Variants in AGBL1 observed in about 807,000 individuals in gnomAD.
AGBL1 encodes the protein cytosolic carboxypeptidase 4.
A neutral mutation model predicts 118.9 loss-of-function variants in AGBL1; 130 were observed. The observed-to-expected ratio is 1.09, with a 90% CI of 0.95 to 1.26. The LOEUF is 1.26. Ranked by LOEUF, AGBL1 falls within the 50% of genes most tolerant of loss-of-function variation. The pLI is 0.00. For synonymous variants in AGBL1, 555 were observed against 478.9 expected, an observed-to-expected ratio of 1.16 and a Z score of -2.08; for missense variants, 1,584 against 1,298.1, an observed-to-expected ratio of 1.22 and a Z score of -3.38.
intron 23 of AGBL1, among the ~76,000 whole-genome samples, chr15:86,986,781 A>G (rs2081288111): frequency 6.6e-6 from 1 of 152,142 alleles, no homozygotes; most frequent in South Asian, 2.1e-4. Context: ...TTTATATTTA[A>G]GTGTTTTCTG....
intron 24 of AGBL1, among the ~76,000 whole-genome samples, chr15:87,016,280 T>G (rs1424275041): frequency 6.6e-6 from 1 of 152,186 alleles, no homozygotes; most frequent in Non-Finnish European, 1.5e-5. Flanking sequence ...TTCAGCCATA[T>G]TTCAGATCAT....
At position 86,959,236 on chromosome 15, in the gene AGBL1, C is replaced by T. The variant is rs548387794; in HGVS notation, c.3222-28751C>T. On this transcript the variant is annotated intron_variant, in intron 23 of 24. Coordinates refer to the AGBL1 transcript ENST00000441037. ...CTGTTTTTATATGTGGAAGTGTGTT[C>T]ATAAAAAAGGTATTCTTGTCCAATT... Among the ~76,000 whole-genome samples, 3 of 152,064 alleles carry T rather than the reference C, an allele frequency of 2.0e-5. No individual in the cohort carries two copies. The East Asian group carries it at 5.8e-4, about 29-fold the overall frequency.
At chr15:86,976,728 A>G (rs1033969803) in intron 23 of AGBL1, among the ~76,000 whole-genome samples, 1 of 151,538 alleles carries the variant, frequency 6.6e-6, no homozygotes, top group African/African-American at 2.4e-5. Flanking sequence ...AAATTTGTAG[A>G]TTTTTTTTTA....
intron 21 of AGBL1, among the ~76,000 whole-genome samples, chr15:86,624,351 A>G (rs1036216809): frequency 6.6e-6 from 1 of 152,244 alleles, no homozygotes; most frequent in African/African-American, 2.4e-5. Context: ...CTTTTGGTCA[A>G]GCTATTGGGC....
chr15:86,758,348 G>A (rs966085983), intron 22 of AGBL1, among the ~76,000 whole-genome samples: 1 of 152,024 alleles, frequency 6.6e-6, no homozygotes, highest in Non-Finnish European at 1.5e-5. Context: ...TTAATTGATG[G>A]TGACTTCCTC....
rs553216749 is a variant in AGBL1, at chr15:86,462,577, C to A, written c.2556-60233C>A. On this transcript the variant is annotated intron_variant, in intron 18 of 22. Transcript: ENST00000614907. ...ATTAGGTATTTCTCCTAATACTATC[C>A]CTCCCCTTGCCCCCACCTCCCAACA... Among the ~76,000 whole-genome samples, 33 of 152,162 alleles carry A rather than the reference C, an allele frequency of 2.2e-4. No homozygotes were observed. In the South Asian group the frequency reaches 6.7e-3, roughly 31 times the overall value.
chr15:86,875,322 C>T (rs1053494734), intron 22 of AGBL1, among the ~76,000 whole-genome samples: 4 of 152,208 alleles, frequency 2.6e-5, no homozygotes, highest in African/African-American at 9.7e-5. Flanking sequence ...AGAGCCAGAT[C>T]ACATCTTACT....
intron 1 of AGBL1, among the ~76,000 whole-genome samples, chr15:86,108,924 TCCAACC>T (rs1567059520): frequency 1.3e-5 from 2 of 152,146 alleles, no homozygotes; most frequent in Non-Finnish European, 2.9e-5. Context: ...GCCACTGCTC[TCCAACC>T]TGGGCAACAG....
chr15:86,768,511 T>C (rs2078127984), intron 22 of AGBL1, among the ~76,000 whole-genome samples: 1 of 151,926 alleles, frequency 6.6e-6, no homozygotes, highest in Admixed American at 6.6e-5. Context: ...TGCTCTGGTG[T>C]AAGGGTCTTT....
At chr15:86,449,141 T>C (rs2082162300) in intron 18 of AGBL1, among the ~76,000 whole-genome samples, 1 of 150,942 alleles carries the variant, frequency 6.6e-6, no homozygotes, top group South Asian at 2.1e-4. Flanking sequence ...AAGGAAGAAA[T>C]GGAACTCAGA....
At chr15:86,714,593 A>AT (rs1429869913) in intron 22 of AGBL1, among the ~76,000 whole-genome samples, 52 of 152,196 alleles carry the variant, frequency 3.4e-4, no homozygotes, top group Non-Finnish European at 5.9e-5. Flanking sequence ...TAGAAAAAAA[A>AT]GTTTACAGAC....
chr15:87,017,066 C>T (rs1423356447), intron 24 of AGBL1, among the ~76,000 whole-genome samples: 6 of 152,086 alleles, frequency 3.9e-5, no homozygotes, highest in Non-Finnish European at 8.8e-5. Flanking sequence ...TTCCACAATA[C>T]CTCACAAGTT....
intron 22 of AGBL1, among the ~76,000 whole-genome samples, chr15:86,903,750 T>A (rs2080243149): frequency 2.0e-5 from 3 of 152,160 alleles, no homozygotes; most frequent in Non-Finnish European, 4.4e-5. Flanking sequence ...AGGGGCTCCT[T>A]GCTACTGCTG....
chr15:86,490,051 T>C (rs77465329), intron 18 of AGBL1, among the ~76,000 whole-genome samples: 5,361 of 152,182 alleles, frequency 0.035, 153 homozygotes, highest in African/African-American at 0.081. Context: ...GGTTGCCTTG[T>C]GTTACCTCAA....
At chr15:86,747,167 T>G (rs2077769963) in intron 22 of AGBL1, among the ~76,000 whole-genome samples, 1 of 152,058 alleles carries the variant, frequency 6.6e-6, no homozygotes, top group African/African-American at 2.4e-5. Context: ...GGCCATGATT[T>G]CATGCTGCTT....
chr15:86,958,978 C>G (rs2080961477), intron 23 of AGBL1, among the ~76,000 whole-genome samples: 1 of 152,010 alleles, frequency 6.6e-6, no homozygotes, highest in Non-Finnish European at 1.5e-5. Flanking sequence ...TGTTAAAACA[C>G]TCAGAAACAA....
intron 16 of AGBL1, among the ~76,000 whole-genome samples, chr15:86,280,844 G>T (rs555869029): frequency 6.6e-6 from 1 of 152,126 alleles, no homozygotes; most frequent in African/African-American, 2.4e-5. Flanking sequence ...TCCATATGTT[G>T]TCTTGCCTAA....
Position 86,717,345 on chromosome 15 carries a change from G to A in AGBL1, c.3158+42909G>A, listed in dbSNP as rs188243102. Among the ~76,000 whole-genome samples the A allele has an allele frequency of 2.6e-5, 4 of 152,190 alleles. No homozygotes were observed. In the East Asian group the frequency reaches 5.8e-4, roughly 22 times the overall value. On this transcript the variant is annotated intron_variant, in intron 22 of 22. Coordinates refer to ENST00000614907, the MANE Select transcript of AGBL1 (RefSeq NM_001386094.1). ...TAATATGGTCAGTGTGGAACATGACGATCTCTTCTAATTGACCTACTAAAC... is the reference window on the plus strand; with the variant it reads ...TAATATGGTCAGTGTGGAACATGACAATCTCTTCTAATTGACCTACTAAAC...
At chr15:86,468,334 A>C (rs1003121906) in intron 18 of AGBL1, among the ~76,000 whole-genome samples, 1 of 152,144 alleles carries the variant, frequency 6.6e-6, no homozygotes, top group Non-Finnish European at 1.5e-5. Flanking sequence ...TGTCCATCGC[A>C]CAAAATTTTG....
Sources: allele counts gnomAD v4.1 joint callset (sites outside exome capture counted in the v4.1 genomes callset), GRCh38; gene constraint gnomAD v4.1.1; transcripts MANE v1.5; gene names NCBI Gene and HGNC (gene_info 2026-07-23, HGNC 2026-07-21).